DPP10: variants seen among roughly 807,000 people sequenced by gnomAD.
The protein encoded by DPP10 is dipeptidyl peptidase like 10.
Under a neutral mutation model 120.9 loss-of-function variants are expected in DPP10, and 33 were observed. The observed-to-expected ratio is 0.27, with a 90% CI of 0.21 to 0.37. DPP10 has a LOEUF of 0.37. Among genes scored for constraint, DPP10 ranks in the 10% least tolerant of loss-of-function variants. The pLI, the probability that DPP10 is intolerant of heterozygous loss-of-function variation, is 1.00. For synonymous variants in DPP10, 337 were observed against 326.1 expected (o/e 1.03, Z -0.36); for missense variants, 816 against 942.8 (o/e 0.87, Z 1.76).
intron 17 of DPP10, 51 bp downstream of exon 17, chr2:115,782,450 AGACAT>A: frequency 1.3e-6 from 2 of 1,513,982 alleles, no homozygotes; most frequent in Non-Finnish European, 1.8e-6. Context: ...CATTAGTCTT[AGACAT>A]CGTGTTATCT....
intron 1 of DPP10, among the ~76,000 whole-genome samples, chr2:114,804,057 G>A (rs564713308): frequency 3.9e-5 from 6 of 152,314 alleles, no homozygotes; most frequent in Non-Finnish European, 5.9e-5. Context: ...TTGTTGCTCT[G>A]TGTCCCACCT....
intron 1 of DPP10, among the ~76,000 whole-genome samples, chr2:114,965,754 G>A (rs185245664): frequency 0.012 from 1,809 of 151,776 alleles, 33 homozygotes; most frequent in African/African-American, 0.041. Context: ...CGAGGTGGGC[G>A]GATCACGAGG....
intron 1 of DPP10, among the ~76,000 whole-genome samples, chr2:114,622,227 C>G (rs138448356): frequency 5.3e-5 from 8 of 152,076 alleles, no homozygotes; most frequent in Admixed American, 3.3e-4. Flanking sequence ...GTAGATACTT[C>G]ACTTATACTT....
intron 2 of DPP10, among the ~76,000 whole-genome samples, chr2:115,342,876 A>C (rs2063518824): frequency 6.6e-6 from 1 of 152,122 alleles, no homozygotes; most frequent in Admixed American, 6.6e-5. Context: ...ATTTGACGTT[A>C]TTGACTCTTT....
At chr2:115,366,201 T>C (rs1309782208) in intron 3 of DPP10, among the ~76,000 whole-genome samples, 1 of 151,996 alleles carries the variant, frequency 6.6e-6, no homozygotes, top group African/African-American at 2.4e-5. Flanking sequence ...GACTCTCCAC[T>C]CTCAGCCTTT....
intron 1 of DPP10, among the ~76,000 whole-genome samples, chr2:115,030,835 A>G (rs779057663): frequency 1.2e-4 from 18 of 152,144 alleles, no homozygotes; most frequent in Non-Finnish European, 1.6e-4. Flanking sequence ...TTAGTTCAAA[A>G]ATTGGGGAAA....
At chr2:114,507,031 CTTTTTTTTCT>C (rs369513073) in intron 1 of DPP10, among the ~76,000 whole-genome samples, 6,661 of 147,880 alleles carry the variant, frequency 0.045, 190 homozygotes, top group Middle Eastern at 0.087. Flanking sequence ...ATTCAGTTTT[CTTTTTTTTCT>C]TTTTTTTTCT....
chr2:115,501,529 G>C (rs1344483930), intron 4 of DPP10, among the ~76,000 whole-genome samples: 1 of 151,804 alleles, frequency 6.6e-6, no homozygotes, highest in Non-Finnish European at 1.5e-5. Context: ...ATTACCACAG[G>C]GTCATATTTA....
chr2:114,789,758 A>G (rs1484098943), intron 1 of DPP10, among the ~76,000 whole-genome samples: 1 of 152,234 alleles, frequency 6.6e-6, no homozygotes, highest in East Asian at 1.9e-4. Flanking sequence ...GGAGATGGGA[A>G]GTTAAATAAT....
At chr2:115,197,160 G>A (rs1007601175) in intron 1 of DPP10, among the ~76,000 whole-genome samples, 1 of 152,136 alleles carries the variant, frequency 6.6e-6, no homozygotes, top group African/African-American at 2.4e-5. Context: ...TTGGGAGGCC[G>A]AGGAGGGCGG....
intron 7 of DPP10, among the ~76,000 whole-genome samples, chr2:115,690,228 T>G (rs2091239432): frequency 1.3e-5 from 2 of 152,242 alleles, no homozygotes; most frequent in Admixed American, 6.5e-5. Context: ...TTACATAATA[T>G]TGTCAGTTTT....
chr2:115,557,435 T>A (rs564802056), intron 5 of DPP10, among the ~76,000 whole-genome samples: 1 of 152,288 alleles, frequency 6.6e-6, no homozygotes, highest in East Asian at 1.9e-4. Context: ...TTATCCATCA[T>A]CGAGAGTTTC....
chr2:115,206,302 A>G (rs1453336160), intron 1 of DPP10, among the ~76,000 whole-genome samples: 3 of 152,134 alleles, frequency 2.0e-5, no homozygotes. Context: ...CCAATTTTTT[A>G]AACAATCTAT....
intron 5 of DPP10, among the ~76,000 whole-genome samples, chr2:115,606,572 G>T: frequency 6.6e-6 from 1 of 152,142 alleles, no homozygotes; most frequent in East Asian, 1.9e-4. Context: ...TTGGCTGAAG[G>T]ACTCTCAAAT....
At chr2:114,588,585 A>G (rs1408766408) in intron 1 of DPP10, among the ~76,000 whole-genome samples, 1 of 152,236 alleles carries the variant, frequency 6.6e-6, no homozygotes, top group Non-Finnish European at 1.5e-5. Flanking sequence ...TCTGGTCACT[A>G]TATGTTATAT....
chr2:115,147,147 C>T (rs1472401877), intron 1 of DPP10, among the ~76,000 whole-genome samples: 1 of 150,642 alleles, frequency 6.6e-6, no homozygotes, highest in Admixed American at 6.7e-5. Flanking sequence ...TTTTACTATA[C>T]TATATATACT....
intron 19 of DPP10, among the ~76,000 whole-genome samples, chr2:115,798,429 A>AT (rs1684787610): frequency 6.6e-6 from 1 of 152,080 alleles, no homozygotes; most frequent in South Asian, 2.1e-4. Flanking sequence ...CATCAGAGGA[A>AT]TACATCAATG....
In DPP10 at chr2:114,595,153, T is replaced by C. The variant is rs549561939; in HGVS notation, c.60+152315T>C. 2.0e-5 allele frequency among the ~76,000 whole-genome samples: 3 copies of C among 152,248 alleles called. No homozygotes were observed. In the South Asian group the frequency reaches 6.2e-4, roughly 32 times the overall value. ...AGTTTTCACTCTACCTAAAGTCCCG[T>C]CTCCAGTTTGAATTCACCACTCTTG... On this transcript the variant is annotated intron_variant, in intron 1 of 25. Coordinates refer to ENST00000410059, the MANE Select transcript of DPP10 (RefSeq NM_020868.6).
chr2:114,512,769 A>T (rs1471094883), intron 1 of DPP10, among the ~76,000 whole-genome samples: 2 of 152,220 alleles, frequency 1.3e-5, no homozygotes, highest in East Asian at 1.9e-4. Flanking sequence ...TTTTGTAAAG[A>T]TGTGTAAACT....
Sources: allele counts gnomAD v4.1 joint callset (sites outside exome capture counted in the v4.1 genomes callset), GRCh38; gene constraint gnomAD v4.1.1; transcripts MANE v1.5; gene names NCBI Gene and HGNC (gene_info 2026-07-23, HGNC 2026-07-21).